BLTP3B: variants seen among roughly 807,000 people sequenced by gnomAD.
The protein encoded by BLTP3B is bridge-like lipid transfer protein family member 3B, also known as UHRF1 (ICBP90) binding protein 1-like.
At chr12:100,136,026 C>A in the BLTP3B span, among the ~76,000 whole-genome samples, 1 of 152,100 alleles carries the variant, frequency 6.6e-6, no homozygotes, top group South Asian at 2.1e-4. Flanking sequence ...GCCTGGCCAA[C>A]ATGGTGAAAC....
chr12:100,102,887 A>G, the BLTP3B span: 12 of 1,300,924 alleles, frequency 9.2e-6, no homozygotes, highest in Non-Finnish European at 1.3e-5. Flanking sequence ...ATAAACAATT[A>G]GATTATTTAT....
the BLTP3B span, among the ~76,000 whole-genome samples, chr12:100,135,681 A>T: frequency 2.0e-5 from 3 of 152,166 alleles, no homozygotes; most frequent in Non-Finnish European, 2.9e-5. Context: ...TTTCAGTAGC[A>T]TTTAACACAC....
the BLTP3B span, among the ~76,000 whole-genome samples, chr12:100,094,023 AC>A: frequency 3.0e-4 from 46 of 151,764 alleles, no homozygotes; most frequent in Non-Finnish European, 5.6e-4. Flanking sequence ...ATTAATTAAA[AC>A]CTCTCTGTGT....
chr12:100,131,574 G>A, the BLTP3B span, among the ~76,000 whole-genome samples: 1 of 151,954 alleles, frequency 6.6e-6, no homozygotes, highest in Non-Finnish European at 1.5e-5. Context: ...TCTTGGCTGG[G>A]AATAATCTTA....
chr12:100,070,729 C>G, the BLTP3B span, among the ~76,000 whole-genome samples: 1 of 152,088 alleles, frequency 6.6e-6, no homozygotes, highest in Non-Finnish European at 1.5e-5. Context: ...TGCGGTGGCT[C>G]ATGCCTGTAA....
the BLTP3B span, among the ~76,000 whole-genome samples, chr12:100,099,932 A>AT: frequency 6.6e-6 from 1 of 151,566 alleles, no homozygotes; most frequent in East Asian, 1.9e-4. Context: ...CATTTCAAAA[A>AT]AAAAAACAGG....
At chr12:100,102,091 C>T in the BLTP3B span, among the ~76,000 whole-genome samples, 349 of 151,462 alleles carry the variant, frequency 2.3e-3, 7 homozygotes, top group East Asian at 0.039. Context: ...TGGGCCACTA[C>T]ACCGAGCCCA....
At chr12:100,119,658 C>T in the BLTP3B span, among the ~76,000 whole-genome samples, 2 of 151,990 alleles carry the variant, frequency 1.3e-5, no homozygotes, top group Non-Finnish European at 2.9e-5. Context: ...TAGCTAATTT[C>T]CAACAAAGGT....
the BLTP3B span, among the ~76,000 whole-genome samples, chr12:100,124,333 T>A: frequency 6.6e-6 from 1 of 152,232 alleles, no homozygotes; most frequent in East Asian, 1.9e-4. Flanking sequence ...CAGGGCACAG[T>A]GGCTCACGCC....
the BLTP3B span, chr12:100,050,328 A>G: frequency 6.3e-7 from 1 of 1,590,216 alleles, no homozygotes; most frequent in Non-Finnish European, 8.5e-7. Context: ...TCTATTAATG[A>G]TTGCATAAAT....
the BLTP3B span, among the ~76,000 whole-genome samples, chr12:100,130,958 A>G: frequency 7.1e-6 from 1 of 141,546 alleles, no homozygotes; most frequent in East Asian, 2.2e-4. Flanking sequence ...ACATATATAT[A>G]TATAGAGAGA....
At chr12:100,050,698 G>A in the BLTP3B span, among the ~76,000 whole-genome samples, 1 of 152,050 alleles carries the variant, frequency 6.6e-6, no homozygotes, top group Non-Finnish European at 1.5e-5. Flanking sequence ...TATAGTCCCA[G>A]CTACTAGGGA....
the BLTP3B span, among the ~76,000 whole-genome samples, chr12:100,073,688 G>A: frequency 2.9e-3 from 435 of 151,910 alleles, 1 homozygote; most frequent in Middle Eastern, 0.017. Flanking sequence ...TTGATCGCTC[G>A]AATTCATTTT....
chr12:100,039,715 T>C, the BLTP3B span: 1 of 1,614,058 alleles, frequency 6.2e-7, no homozygotes. Flanking sequence ...AGATCATACT[T>C]TCCACTGGTC....
chr12:100,048,035 G>C, the BLTP3B span: 16 of 1,611,262 alleles, frequency 9.9e-6, no homozygotes, highest in Admixed American at 2.5e-4. Flanking sequence ...ATATTCATAA[G>C]AGAAGATGTA....
chr12:100,058,370 A>G, the BLTP3B span: 1 of 1,612,880 alleles, frequency 6.2e-7, no homozygotes, highest in Non-Finnish European at 8.5e-7. Flanking sequence ...CTAAATGTTT[A>G]TCTGATAAAT....
the BLTP3B span, chr12:100,051,425 G>C: frequency 2.3e-6 from 1 of 427,880 alleles, no homozygotes; most frequent in South Asian, 7.6e-5. Context: ...CAAACTATCT[G>C]TGGTAAAAGA....
chr12:100,066,516 G>A, the BLTP3B span, among the ~76,000 whole-genome samples: 39 of 151,978 alleles, frequency 2.6e-4, no homozygotes, highest in African/African-American at 8.2e-4. Context: ...TACTCCGGCC[G>A]GGCGTGGTAG....
chr12:100,089,086 C>G, the BLTP3B span: 1 of 1,558,332 alleles, frequency 6.4e-7, no homozygotes, highest in Non-Finnish European at 8.7e-7. Context: ...GATGCGACTA[C>G]TGTAGAGCTC....
Sources: gnomAD v4.1 joint callset for allele counts (sites outside exome capture counted in the v4.1 genomes callset) on GRCh38, gnomAD v4.1.1 for gene constraint, MANE v1.5 for transcripts, NCBI Gene and HGNC (gene_info 2026-07-23, HGNC 2026-07-21) for gene names.